The following NRXN3 variants were observed in gnomAD, a reference collection of about 807,000 sequenced individuals.
NRXN3 encodes the protein neurexin 3.
A neutral mutation model predicts 137.6 loss-of-function variants in NRXN3; 32 were observed. The observed-to-expected ratio is 0.23, with a 90% confidence interval of 0.18 to 0.31. NRXN3 has a LOEUF of 0.31. Among genes scored for constraint, NRXN3 ranks in the 10% least tolerant of loss-of-function variants. The pLI is 1.00. For synonymous variants in NRXN3, 798 were observed against 784.5 expected, an observed-to-expected ratio of 1.02 and a Z score of -0.29; for missense variants, 1,574 against 2,062.5, an observed-to-expected ratio of 0.76 and a Z score of 4.59.
intron 10 of NRXN3, among the ~76,000 whole-genome samples, chr14:78,939,141 G>A (rs1479831723): frequency 6.6e-6 from 1 of 152,058 alleles, no homozygotes; most frequent in Non-Finnish European, 1.5e-5. Context: ...CACCGCGCCC[G>A]GCCCAGAGTG....
At chr14:79,133,846 G>T (rs185307567) in intron 15 of NRXN3, among the ~76,000 whole-genome samples, 2 of 151,296 alleles carry the variant, frequency 1.3e-5, no homozygotes, top group African/African-American at 4.9e-5. Flanking sequence ...GGAGAATGGC[G>T]TGAACCCAGG....
intron 10 of NRXN3, among the ~76,000 whole-genome samples, chr14:78,912,633 T>G (rs148970604): frequency 2.0e-5 from 3 of 152,112 alleles, no homozygotes; most frequent in Non-Finnish European, 2.9e-5. Context: ...AAAGGTTAGA[T>G]AGAACTTGGA....
chr14:79,040,064 C>T (rs182033439), intron 15 of NRXN3, among the ~76,000 whole-genome samples: 10 of 152,274 alleles, frequency 6.6e-5, no homozygotes, highest in African/African-American at 2.2e-4. Flanking sequence ...TCTGAAGTGG[C>T]CTTCCACAGT....
At chr14:78,311,895 G>A (rs1231677519) in intron 4 of NRXN3, among the ~76,000 whole-genome samples, 1 of 152,126 alleles carries the variant, frequency 6.6e-6, no homozygotes, top group African/African-American at 2.4e-5. Context: ...GAGCTCAAAG[G>A]AGACTTAGAA....
chr14:79,573,482 A>G (rs1343279931), intron 16 of NRXN3, among the ~76,000 whole-genome samples: 3 of 152,038 alleles, frequency 2.0e-5, no homozygotes, highest in African/African-American at 7.2e-5. Flanking sequence ...GAAATTTTAT[A>G]TGGAACTGTC....
intron 14 of NRXN3, among the ~76,000 whole-genome samples, chr14:78,980,101 A>C (rs191857764): frequency 6.6e-6 from 1 of 152,316 alleles, no homozygotes; most frequent in East Asian, 1.9e-4. Flanking sequence ...CATTTAGGTT[A>C]CACCGATAGA....
chr14:78,831,551 A>C lies in NRXN3; in HGVS notation c.2275+21207A>C, dbSNP rs1397921155. On this transcript the variant is annotated intron_variant, in intron 10 of 20. Transcript: ENST00000335750. Reference sequence around the variant, plus strand: ...CTCCATGTCAAAAAAAAAAAAAAAAAAAAAAAAAAACAACAACAGAACAAT... The same window carrying C: ...CTCCATGTCAAAAAAAAAAAAAAAACAAAAAAAAAACAACAACAGAACAAT... Among the ~76,000 whole-genome samples, 1,366 of 151,008 alleles carry C rather than the reference A, an allele frequency of 9.0e-3. 28 individuals are homozygous for C. Among genetic ancestry groups the C allele is most frequent in the African/African-American group, 0.031 (1,294 of 41,122 alleles).
chr14:79,134,421 TC>T (rs2058006413), intron 15 of NRXN3, among the ~76,000 whole-genome samples: 3 of 152,330 alleles, frequency 2.0e-5, no homozygotes, highest in East Asian at 1.9e-4. Context: ...TATCCTTAGT[TC>T]TTCAGGCAGC....
intron 16 of NRXN3, among the ~76,000 whole-genome samples, chr14:79,552,015 A>G (rs2097377612): frequency 6.6e-6 from 1 of 152,162 alleles, no homozygotes; most frequent in Non-Finnish European, 1.5e-5. Context: ...ATCCCTGTAT[A>G]TGGAGTCTTC....
At chr14:79,718,202 C>T (rs1173337133) in intron 19 of NRXN3, among the ~76,000 whole-genome samples, 1 of 152,114 alleles carries the variant, frequency 6.6e-6, no homozygotes, top group Non-Finnish European at 1.5e-5. Flanking sequence ...AATGATAAAA[C>T]ATGTCAGGTC....
chr14:78,593,406 T>C (rs2097133524), intron 4 of NRXN3, among the ~76,000 whole-genome samples: 1 of 152,168 alleles, frequency 6.6e-6, no homozygotes, highest in African/African-American at 2.4e-5. Context: ...AGGGGCAGGA[T>C]GTCTCTGCTG....
At chr14:79,030,816 G>C (rs1404166129) in intron 15 of NRXN3, among the ~76,000 whole-genome samples, 8 of 151,216 alleles carry the variant, frequency 5.3e-5, no homozygotes, top group Admixed American at 5.3e-4. Context: ...TTATGGTTTA[G>C]CCTTTTGGTG....
intron 8 of NRXN3, 106 bp from the exon 9 acceptor site, chr14:78,803,514 G>T: frequency 2.0e-6 from 2 of 985,012 alleles, no homozygotes; most frequent in South Asian, 1.3e-5. Context: ...AAGTCACTAG[G>T]CTACAAATCT....
At chr14:79,040,401 G>A (rs150286523) in intron 15 of NRXN3, among the ~76,000 whole-genome samples, 1 of 152,298 alleles carries the variant, frequency 6.6e-6, no homozygotes, top group East Asian at 1.9e-4. Flanking sequence ...AAATGTTGTG[G>A]CTACAAAGAA....
chr14:78,664,713 A>C, intron 6 of NRXN3, among the ~76,000 whole-genome samples: 1 of 152,208 alleles, frequency 6.6e-6, no homozygotes, highest in East Asian at 1.9e-4. Context: ...TGCAATTGTT[A>C]TTATAGTCCT....
intron 15 of NRXN3, among the ~76,000 whole-genome samples, chr14:79,089,880 A>G (rs1388142884): frequency 2.6e-5 from 4 of 152,132 alleles, no homozygotes; most frequent in Non-Finnish European, 4.4e-5. Flanking sequence ...AGGAATGCTT[A>G]TTTGACCTGA....
intron 4 of NRXN3, among the ~76,000 whole-genome samples, chr14:78,418,774 C>G (rs2093287698): frequency 1.3e-5 from 2 of 152,158 alleles, no homozygotes; most frequent in Admixed American, 6.5e-5. Context: ...GTTCAACATG[C>G]CAGGCACCAT....
chr14:79,324,741 T>C (rs2090593743), intron 15 of NRXN3, among the ~76,000 whole-genome samples: 3 of 152,210 alleles, frequency 2.0e-5, no homozygotes. Context: ...TCTGTGGAGT[T>C]ATAAATAGAA....
chr14:78,177,396 G>A (rs1303640727), intron 1 of NRXN3, among the ~76,000 whole-genome samples: 5 of 151,894 alleles, frequency 3.3e-5, no homozygotes. Context: ...TTTCAGGGGT[G>A]GGGTGGGGCC....
Sources: allele counts gnomAD v4.1 joint callset (sites outside exome capture counted in the v4.1 genomes callset), GRCh38; gene constraint gnomAD v4.1.1; transcripts MANE v1.5; gene names NCBI Gene and HGNC (gene_info 2026-07-23, HGNC 2026-07-21).